The following DPYD variants were observed in gnomAD, a reference collection of about 807,000 sequenced individuals.
DPYD encodes the protein dihydropyrimidine dehydrogenase, also known as dihydropyrimidine dehydrogenase [NADP(+)].
DPYD carries 109 observed loss-of-function variants against 116.2 expected under a neutral mutation model. The observed-to-expected ratio is 0.94, with a 90% CI of 0.80 to 1.10. The LOEUF is 1.10. DPYD is among the 50% of genes least tolerant of loss of function. The pLI is 0.00. For synonymous variants in DPYD, 440 were observed against 432.0 expected (o/e 1.02, Z -0.23); for missense variants, 1,302 against 1,254.5 (o/e 1.04, Z -0.57).
At chr1:97,827,706 A>G (rs1260629869) in intron 3 of DPYD, among the ~76,000 whole-genome samples, 1 of 152,132 alleles carries the variant, frequency 6.6e-6, no homozygotes, top group Non-Finnish European at 1.5e-5. Context: ...AAAATGTTAT[A>G]GAAGATGAAA....
intron 14 of DPYD, among the ~76,000 whole-genome samples, chr1:97,403,286 G>A (rs1570676692): frequency 2.0e-5 from 3 of 152,150 alleles, no homozygotes; most frequent in East Asian, 1.9e-4. Flanking sequence ...ATTGTAAGTC[G>A]AGGAGTGTAG....
chr1:97,641,701 G>A (rs969448838), intron 8 of DPYD, among the ~76,000 whole-genome samples: 8 of 152,138 alleles, frequency 5.3e-5, no homozygotes, highest in African/African-American at 1.9e-4. Flanking sequence ...AGACAAGGAT[G>A]CCCTCTCTCA....
chr1:97,506,053 C>A lies in DPYD; in HGVS notation c.1740+9673G>T, dbSNP rs576789608. Among the ~76,000 whole-genome samples, 386 of 152,040 alleles carry A rather than the reference C, an allele frequency of 2.5e-3. 2 individuals carry two copies. The highest frequency in any genetic ancestry group is 2.6e-3 in the Non-Finnish European group (176 of 67,928). ...TAGTGACACTTTATTTCTCATGACA[C>A]CTCATTTCAGAAATAGTGGTACTTG... On this transcript the variant is annotated intron_variant, in intron 13 of 22. Coordinates refer to ENST00000370192, the MANE Select transcript of DPYD (RefSeq NM_000110.4).
chr1:97,251,696 T>TA (rs1663111869), intron 18 of DPYD, among the ~76,000 whole-genome samples: 1 of 152,146 alleles, frequency 6.6e-6, no homozygotes, highest in African/African-American at 2.4e-5. Flanking sequence ...AATCACTAGT[T>TA]ACTAAGAATA....
rs775930761 is a variant in DPYD, at chr1:97,549,560, C to G, written c.1524G>C (p.Gln508His). Residue 508 changes from glutamine to histidine, a missense_variant and splice_region_variant, in exon 12 of 23, where the codon CAG (glutamine) becomes CAC (histidine). Coordinates refer to ENST00000370192, the MANE Select transcript of DPYD (RefSeq NM_000110.4). ...QASWYIHKYV[Q>H]SQYGASVSAK... is the part of the protein sequence containing the mutation. Reference sequence around the variant, plus strand: ...AGTGGAAATGATGGCAAATGCCTACCTGTACGTATTTGTGAATGTACCAAG... The same window carrying G: ...AGTGGAAATGATGGCAAATGCCTACGTGTACGTATTTGTGAATGTACCAAG... 2.5e-6 allele frequency: 4 copies of G among 1,613,604 alleles called. No homozygotes were observed. The Admixed American group carries it at 6.7e-5, about 27-fold the overall frequency.
chr1:97,229,201 C>CT (rs1316683636), intron 19 of DPYD, among the ~76,000 whole-genome samples: 2 of 83,982 alleles, frequency 2.4e-5, no homozygotes, highest in Non-Finnish European at 4.4e-5. Flanking sequence ...GAGACTCCTT[C>CT]TCAAAAAAAA....
intron 20 of DPYD, among the ~76,000 whole-genome samples, chr1:97,191,257 T>C (rs1012574353): frequency 2.0e-5 from 3 of 152,074 alleles, no homozygotes; most frequent in African/African-American, 7.2e-5. Context: ...AAATCACCTG[T>C]ACCCTAGATC....
At chr1:97,160,120 T>C (rs958180456) in intron 20 of DPYD, among the ~76,000 whole-genome samples, 6 of 152,170 alleles carry the variant, frequency 3.9e-5, no homozygotes, top group African/African-American at 9.6e-5. Flanking sequence ...CAGTGTTATA[T>C]ATTCAACTAA....
intron 7 of DPYD, among the ~76,000 whole-genome samples, chr1:97,687,041 C>T (rs1660775101): frequency 6.6e-6 from 1 of 152,062 alleles, no homozygotes; most frequent in African/African-American, 2.4e-5. Flanking sequence ...GAGGCTAAGG[C>T]AAGCGGGTCA....
intron 16 of DPYD, among the ~76,000 whole-genome samples, chr1:97,307,106 C>T (rs1188407219): frequency 1.3e-5 from 2 of 151,870 alleles, no homozygotes; most frequent in African/African-American, 4.8e-5. Flanking sequence ...AATAACTTAG[C>T]TACAGTACAG....
chr1:97,903,762 T>C (rs1218712346), intron 1 of DPYD, among the ~76,000 whole-genome samples: 2 of 151,992 alleles, frequency 1.3e-5, no homozygotes, highest in African/African-American at 4.8e-5. Context: ...AAAATGTTAA[T>C]TCAAACTTTA....
chr1:97,323,378 A>G (rs369261539), intron 16 of DPYD, among the ~76,000 whole-genome samples: 1 of 107,130 alleles, frequency 9.3e-6, no homozygotes, highest in African/African-American at 2.9e-5. Flanking sequence ...ATACATGTGT[A>G]TATGTACACG....
chr1:97,854,687 G>A (rs905561315), intron 2 of DPYD, among the ~76,000 whole-genome samples: 2 of 152,132 alleles, frequency 1.3e-5, no homozygotes, highest in African/African-American at 4.8e-5. Context: ...TTTGAAAGCT[G>A]GTATTAGTGA....
intron 14 of DPYD, among the ~76,000 whole-genome samples, chr1:97,392,351 T>C (rs1672750858): frequency 6.6e-6 from 1 of 152,000 alleles, no homozygotes; most frequent in South Asian, 2.1e-4. Flanking sequence ...TCTCACTCTT[T>C]TTTTTCCTTC....
At chr1:97,686,410 G>A (rs1306242967) in intron 7 of DPYD, among the ~76,000 whole-genome samples, 1 of 151,906 alleles carries the variant, frequency 6.6e-6, no homozygotes, top group East Asian at 1.9e-4. Context: ...GCCGAGGCGG[G>A]CGGATCACGA....
intron 12 of DPYD, among the ~76,000 whole-genome samples, chr1:97,521,607 C>A (rs966368679): frequency 6.6e-6 from 1 of 152,136 alleles, no homozygotes; most frequent in Non-Finnish European, 1.5e-5. Flanking sequence ...CCAACACAAT[C>A]CTAAGCAAAA....
chr1:97,829,297 T>C (rs1024523074), intron 2 of DPYD, among the ~76,000 whole-genome samples: 2 of 152,024 alleles, frequency 1.3e-5, no homozygotes, highest in Admixed American at 6.6e-5. Context: ...TATTGGTATA[T>C]AAACCACTAT....
In DPYD at chr1:97,509,162, AAACTGTCG is replaced by A. The variant is rs1647590924; in HGVS notation, c.1740+6556_1740+6563del. On this transcript the variant is annotated intron_variant, in intron 13 of 22. Coordinates refer to ENST00000370192, the MANE Select transcript of DPYD (RefSeq NM_000110.4). ...CCAGCTGAGCCTTGGCCATACTGCCAAACTGTCGAAACAAGAGCAGAAAACGTGTTGCT... is the reference window on the plus strand; with the variant it reads ...CCAGCTGAGCCTTGGCCATACTGCCAAAACAAGAGCAGAAAACGTGTTGCT... Among the ~76,000 whole-genome samples the A allele has an allele frequency of 2.0e-5, 3 of 152,142 alleles. No individual in the cohort carries two copies. In the South Asian group the frequency reaches 6.2e-4, roughly 32 times the overall value.
chr1:97,800,885 G>T (rs886356460), intron 3 of DPYD, among the ~76,000 whole-genome samples: 6 of 151,754 alleles, frequency 4.0e-5, no homozygotes, highest in East Asian at 3.9e-4. Context: ...AATTATTTTT[G>T]ATTGTTCCAA....
Sources: allele counts gnomAD v4.1 joint callset (sites outside exome capture counted in the v4.1 genomes callset), GRCh38; gene constraint gnomAD v4.1.1; transcripts MANE v1.5; gene names NCBI Gene and HGNC (gene_info 2026-07-23, HGNC 2026-07-21).